The following FOXP2 variants were observed in gnomAD, a reference collection of about 807,000 sequenced individuals.
FOXP2 encodes forkhead box P2, also known as forkhead box protein P2.
Under a neutral mutation model 115.8 loss-of-function variants are expected in FOXP2, and 12 were observed. The ratio of observed to expected loss-of-function variants is 0.10; its 90% CI spans 0.07 to 0.17. The LOEUF is 0.17. Among genes scored for constraint, FOXP2 ranks in the 10% least tolerant of loss-of-function variants. The pLI is 1.00. For synonymous variants in FOXP2, 328 were observed against 297.7 expected, an observed-to-expected ratio of 1.10 and a Z score of -1.05; for missense variants, 629 against 843.5, an observed-to-expected ratio of 0.75 and a Z score of 3.15.
chr7:114,478,954 G>A lies in FOXP2; in HGVS notation c.168+52275G>A, dbSNP rs144965025. ...ATCACTATTTCAAAATTATGTTATA[G>A]GGAAAGTTTTTCTCTCATTAGAAAC... On this transcript the variant is annotated intron_variant, in intron 2 of 16. Coordinates refer to ENST00000350908, the MANE Select transcript of FOXP2 (RefSeq NM_014491.4). Among the ~76,000 whole-genome samples, 220 of 151,634 alleles carry A rather than the reference G, an allele frequency of 1.5e-3. 1 individual carries two copies. The highest frequency in any genetic ancestry group is 3.4e-3 in the Middle Eastern group (1 of 294).
At chr7:114,453,862 T>A (rs987254741) in intron 2 of FOXP2, among the ~76,000 whole-genome samples, 1 of 151,956 alleles carries the variant, frequency 6.6e-6, no homozygotes, top group Non-Finnish European at 1.5e-5. Context: ...TATACAAAAA[T>A]CAATTCAAGA....
intron 2 of FOXP2, among the ~76,000 whole-genome samples, chr7:114,492,438 T>A (rs1374898797): frequency 6.6e-6 from 1 of 152,212 alleles, no homozygotes; most frequent in Non-Finnish European, 1.5e-5. Context: ...CTTAGTTATT[T>A]CTTGCCTTCT....
At chr7:114,127,980 G>A (rs1791764108) in intron 1 of FOXP2, among the ~76,000 whole-genome samples, 1 of 152,082 alleles carries the variant, frequency 6.6e-6, no homozygotes, top group East Asian at 1.9e-4. Context: ...AAATAGTAAT[G>A]ATATAAATTT....
At chr7:114,241,179 A>G (rs1007352811) in intron 1 of FOXP2, among the ~76,000 whole-genome samples, 2 of 152,140 alleles carry the variant, frequency 1.3e-5, no homozygotes, top group Non-Finnish European at 2.9e-5. Context: ...TTTTACTAGC[A>G]TTATAAATGC....
intron 2 of FOXP2, among the ~76,000 whole-genome samples, chr7:114,531,461 T>C (rs148400207): frequency 2.0e-5 from 3 of 151,998 alleles, no homozygotes; most frequent in African/African-American, 7.2e-5. Context: ...AGCAATTGTT[T>C]ATTGAAATTC....
intron 1 of FOXP2, among the ~76,000 whole-genome samples, chr7:114,140,707 A>T (rs1238315237): frequency 2.0e-5 from 3 of 152,172 alleles, no homozygotes; most frequent in African/African-American, 7.2e-5. Flanking sequence ...GCCGCCACAC[A>T]CAAAGGAAAT....
chr7:114,504,620 G>A (rs1180087371), intron 2 of FOXP2, among the ~76,000 whole-genome samples: 1 of 151,338 alleles, frequency 6.6e-6, no homozygotes, highest in Non-Finnish European at 1.5e-5. Flanking sequence ...AGAAGAGGCT[G>A]TATCAATATT....
intron 13 of FOXP2, among the ~76,000 whole-genome samples, chr7:114,660,988 G>C (rs932724910): frequency 8.0e-5 from 12 of 150,416 alleles, no homozygotes; most frequent in Non-Finnish European, 1.5e-4. Flanking sequence ...ATCATATTCA[G>C]AGCCATGGGC....
intron 16 of FOXP2, among the ~76,000 whole-genome samples, chr7:114,683,094 C>T (rs1159945200): frequency 2.6e-5 from 4 of 152,176 alleles, no homozygotes; most frequent in African/African-American, 7.2e-5. Context: ...ATTTTATGTA[C>T]AGCTTTTCCA....
Position 114,631,611 on chromosome 7 carries a change from C to T in FOXP2, c.681C>T (p.Leu227=). ...FQQQLLQMQQ[L]QQQQHLLSLQ... ...AGCAGCTTCTCCAGATGCAACAACT[C>T]CAGCAGCAGCAGCATCTGCTCAGCC... Residue 227 remains leucine, a synonymous_variant, in exon 6 of 17, where the codon CTC becomes CTT. Coordinates refer to ENST00000350908, the MANE Select transcript of FOXP2 (RefSeq NM_014491.4). 1 of 1,612,722 alleles carries T rather than the reference C, an allele frequency of 6.2e-7. No homozygotes were observed. The highest frequency in any genetic ancestry group is 8.5e-7 in the Non-Finnish European group (1 of 1,179,438).
intron 1 of FOXP2, among the ~76,000 whole-genome samples, chr7:114,271,497 A>T (rs891777978): frequency 2.3e-5 from 3 of 133,240 alleles, no homozygotes; most frequent in South Asian, 2.1e-4. Flanking sequence ...TATTTATATA[A>T]ATATATTAAT....
At chr7:114,570,536 A>G (rs1356720521) in intron 3 of FOXP2, among the ~76,000 whole-genome samples, 1 of 151,892 alleles carries the variant, frequency 6.6e-6, no homozygotes, top group East Asian at 1.9e-4. Flanking sequence ...TAAGGTTCCT[A>G]CAGCAGTATC....
intron 2 of FOXP2, among the ~76,000 whole-genome samples, chr7:114,434,479 A>G (rs1425209981): frequency 2.0e-5 from 3 of 151,100 alleles, no homozygotes; most frequent in Non-Finnish European, 4.4e-5. Context: ...TTGATGTATT[A>G]TATGTATAAA....
chr7:114,308,917 A>G (rs908635723), intron 2 of FOXP2, among the ~76,000 whole-genome samples: 1 of 152,216 alleles, frequency 6.6e-6, no homozygotes, highest in African/African-American at 2.4e-5. Context: ...AGGGAGACAA[A>G]AGACCGATAT....
intron 1 of FOXP2, among the ~76,000 whole-genome samples, chr7:114,237,733 G>T (rs1795048440): frequency 6.6e-6 from 1 of 151,806 alleles, no homozygotes; most frequent in Non-Finnish European, 1.5e-5. Flanking sequence ...CAGCACTTTG[G>T]GAGACTGAGG....
intron 2 of FOXP2, among the ~76,000 whole-genome samples, chr7:114,504,564 A>C (rs561325082): frequency 2.8e-4 from 43 of 151,824 alleles, no homozygotes; most frequent in African/African-American, 9.4e-4. Context: ...AGTGTTTATA[A>C]TACATTTCAT....
chr7:114,585,963 G>A (rs1802110734), intron 3 of FOXP2, among the ~76,000 whole-genome samples: 1 of 152,040 alleles, frequency 6.6e-6, no homozygotes, highest in Admixed American at 6.6e-5. Context: ...TGTTTTCATG[G>A]TCTATGAATA....
At chr7:114,609,324 C>T (rs2129317301) in intron 3 of FOXP2, among the ~76,000 whole-genome samples, 1 of 152,002 alleles carries the variant, frequency 6.6e-6, no homozygotes, top group Non-Finnish European at 1.5e-5. Context: ...TGCAAAGAAT[C>T]TTAATGAGCA....
chr7:114,566,007 A>G (rs1218582858), intron 3 of FOXP2, among the ~76,000 whole-genome samples: 2 of 152,154 alleles, frequency 1.3e-5, no homozygotes, highest in South Asian at 2.1e-4. Flanking sequence ...CTGGAGAAGG[A>G]TGAAGTTGTA....
Sources: allele counts gnomAD v4.1 joint callset (sites outside exome capture counted in the v4.1 genomes callset), GRCh38; gene constraint gnomAD v4.1.1; transcripts MANE v1.5; gene names NCBI Gene and HGNC (gene_info 2026-07-23, HGNC 2026-07-21).